Variants in ZNF444 observed in about 807,000 individuals in gnomAD.
The protein encoded by ZNF444 is endothelial zinc finger protein 2.
In ZNF444, 8 loss-of-function variants were observed where a neutral mutation model predicts 14.4. That is an observed-to-expected ratio of 0.56 (90% CI 0.33 to 1.00). The LOEUF (loss-of-function observed/expected upper bound fraction) is 1.00. Ranked by LOEUF, ZNF444 falls within the 50% of genes least tolerant of loss-of-function variation. ZNF444 has a pLI of 0.03. For synonymous variants in ZNF444, 258 were observed against 235.9 expected (o/e 1.09, Z -0.86); for missense variants, 510 against 504.8 (o/e 1.01, Z -0.10).
At chr19:56,134,915 G>T (rs1486291055) in intron 1 of ZNF444, among the ~76,000 whole-genome samples, 1 of 151,916 alleles carries the variant, frequency 6.6e-6, no homozygotes, top group South Asian at 2.1e-4. Flanking sequence ...CCAGGAGTTT[G>T]TGAGACCTTA....
intron 1 of ZNF444, chr19:56,146,019 G>A (rs274179): frequency 0.29 from 43,573 of 152,148 alleles, 7,857 homozygotes; most frequent in East Asian, 0.6. Flanking sequence ...TAAAAGCTTC[G>A]TCTCCAAATA....
At chr19:56,150,235 A>G (rs2031490626) in intron 3 of ZNF444, 1 of 215,690 alleles carries the variant, frequency 4.6e-6, no homozygotes, top group South Asian at 6.9e-5. Flanking sequence ...ATGTTCTTTT[A>G]GGAAAAGATG....
chr19:56,154,598 C>T (rs1263693082), intron 3 of ZNF444: 3 of 151,410 alleles, frequency 2.0e-5, no homozygotes, highest in Non-Finnish European at 4.4e-5. Flanking sequence ...CACCCCCACC[C>T]CCAACCACCT....
At chr19:56,158,366 C>T (rs1043155139) in intron 3 of ZNF444, 128 bp from the exon 4 acceptor site, 21 of 866,514 alleles carry the variant, frequency 2.4e-5, no homozygotes, top group African/African-American at 2.3e-4. Flanking sequence ...GCTTCAGTGT[C>T]GCCCAGCATG....
Position 56,160,420 on chromosome 19 carries a change from C to CG in ZNF444, c.*219_*220insG, listed in dbSNP as rs2032222825. On this transcript the variant is annotated 3_prime_UTR_variant, in exon 5 of 5. Transcript: ENST00000337080. ...TTCTCAGGTCTCACCTCAGCCCCCC[C>CG]CTTCTCCCTGATTTCTCGGCCTCTC... is the stretch of plus-strand genomic sequence containing the variant. 6.2e-6 allele frequency: 3 copies of CG among 482,140 alleles called. No homozygotes were observed. Among genetic ancestry groups the CG allele is most frequent in the African/African-American group, 6.2e-5 (3 of 48,560 alleles). The allele number at this position is 482,140 out of a possible 1,614,324, so 29.9% of individuals were successfully genotyped here.
At chr19:56,140,349 T>G (rs969210344), upstream of ZNF444, among the ~76,000 whole-genome samples, 3 of 152,118 alleles carry the variant, frequency 2.0e-5, no homozygotes, top group Non-Finnish European at 4.4e-5. Context: ...GCTGATCTCT[T>G]AGGATGTCTG....
In ZNF444 at chr19:56,147,101, G is replaced by C. The variant is rs2031240191; in HGVS notation, c.190G>C (p.Val64Leu). 2 of 1,587,496 alleles carry C rather than the reference G, an allele frequency of 1.3e-6. No homozygotes were observed. The highest frequency in any genetic ancestry group is 8.5e-7 in the Non-Finnish European group (1 of 1,170,270). ...CAAGGAGCAGATGTTGGAGCTGCTG[G>C]TGCTGGAACAGTTCCTGAGCGCGCT... is the stretch of plus-strand genomic sequence containing the variant. Reference protein sequence around the residue: ...HTKEQMLELLVLEQFLSALPA... With the variant: ...HTKEQMLELLLLEQFLSALPA... Residue 64 changes from valine (V) to leucine (L), a missense_variant, in exon 3 of 5, where the codon GTG (valine) becomes CTG (leucine). Transcript: ENST00000337080. This position sits in a 1 kb window ranked among gnomAD's most constrained non-coding sequence, Gnocchi z 5.9.
At chr19:56,133,298 C>CCTAGA (rs1390784829) in intron 1 of ZNF444, among the ~76,000 whole-genome samples, 1 of 151,746 alleles carries the variant, frequency 6.6e-6, no homozygotes, top group African/African-American at 2.4e-5. Context: ...GTCTCAAACT[C>CCTAGA]CTGACCTCAG....
chr19:56,134,320 C>T (rs564986995), intron 1 of ZNF444, among the ~76,000 whole-genome samples: 12 of 152,240 alleles, frequency 7.9e-5, no homozygotes, highest in Admixed American at 2.6e-4. Flanking sequence ...AAGGAATTCT[C>T]GCCCTCAGGC....
At position 56,145,012 on chromosome 19, in the gene ZNF444, C is replaced by T. The variant is rs747731216; in HGVS notation, c.-196-1235C>T. Among the ~76,000 whole-genome samples, 8 of 152,224 alleles carry T rather than the reference C, an allele frequency of 5.3e-5. No homozygotes were observed. Among genetic ancestry groups the T allele is most frequent in the Non-Finnish European group, 5.9e-5 (4 of 68,046 alleles). On this transcript the variant is annotated intron_variant, in intron 1 of 4. Transcript: ENST00000337080. This position sits in a 1 kb window ranked among gnomAD's most constrained non-coding sequence, Gnocchi z 4.3. ...GCCTTACAGGCCACCCAGGCCCTGTCACAGCCACTCGGTAGCTCCAAGGCG... is the reference window on the plus strand; with the variant it reads ...GCCTTACAGGCCACCCAGGCCCTGTTACAGCCACTCGGTAGCTCCAAGGCG...
chr19:56,159,560 A>G (rs1381674928), intron 4 of ZNF444, 64 bp from the exon 5 acceptor site: 2 of 1,362,888 alleles, frequency 1.5e-6, no homozygotes, highest in Non-Finnish European at 1.9e-6. Flanking sequence ...CCTCCACCCC[A>G]GCCTGTGCTG....
intron 2 of ZNF444, 27 bp from the exon 3 acceptor site, chr19:56,146,862 AG>A: frequency 7.5e-7 from 1 of 1,341,010 alleles, no homozygotes; most frequent in East Asian, 3.1e-5. Flanking sequence ...CTCGGCGGGC[AG>A]GGGTCTCACC....
chr19:56,146,653 G>C (rs578219126), intron 2 of ZNF444, among the ~76,000 whole-genome samples: 11 of 152,322 alleles, frequency 7.2e-5, no homozygotes, highest in African/African-American at 2.4e-4. Context: ...AGCAGGCGTG[G>C]TGGCGGATGC....
intron 1 of ZNF444, among the ~76,000 whole-genome samples, chr19:56,133,812 C>CAAA (rs67187542): frequency 0.035 from 4,566 of 129,798 alleles, 225 homozygotes; most frequent in African/African-American, 0.099. Context: ...GACTCCATCT[C>CAAA]AAAAAAAAAA....
chr19:56,138,018 G>A (rs2030650778), upstream of ZNF444, among the ~76,000 whole-genome samples: 1 of 152,114 alleles, frequency 6.6e-6, no homozygotes, highest in South Asian at 2.1e-4. Context: ...CAGCTACTTA[G>A]GAGGCTGAGG....
At position 56,145,625 on chromosome 19, in the gene ZNF444, C is replaced by T. The variant is rs983207739; in HGVS notation, c.-196-622C>T. ...AAAAAAAAATAGAGACAGGAGAGCT[C>T]GCTGCCTCTCTCTATTCTACGCCAT... is the stretch of plus-strand genomic sequence containing the variant. On this transcript the variant is annotated intron_variant, in intron 1 of 4. Coordinates refer to ENST00000337080, the MANE Select transcript of ZNF444 (RefSeq NM_018337.4). The surrounding 1 kb of genome is among the most constrained non-coding windows in gnomAD (Gnocchi z 4.3). Among the ~76,000 whole-genome samples the T allele has an allele frequency of 8.6e-5, 13 of 151,984 alleles. No homozygotes were observed. The highest frequency in any genetic ancestry group is 1.5e-4 in the Non-Finnish European group (10 of 68,014).
chr19:56,147,307 C>T lies in ZNF444; in HGVS notation c.297+99C>T. 7.6e-7 allele frequency: 1 copy of T among 1,312,470 alleles called. No individual in the cohort carries two copies. The highest frequency in any genetic ancestry group is 9.8e-7 in the Non-Finnish European group (1 of 1,015,822). The allele number at this position is 1,312,470 out of a possible 1,614,324, so 81.3% of individuals were successfully genotyped here. A position where few individuals can be genotyped will look rare whatever the true frequency, so the allele number is the denominator to read the frequency against. ...GGAGCACCACTGAACCCCTGAAAACCAGTGTGACTCGCGGTGGGGAGGCTG... is the reference window on the plus strand; with the variant it reads ...GGAGCACCACTGAACCCCTGAAAACTAGTGTGACTCGCGGTGGGGAGGCTG... On this transcript the variant is annotated intron_variant, in intron 3 of 4. Coordinates refer to ENST00000337080, the MANE Select transcript of ZNF444 (RefSeq NM_018337.4). This position sits in a 1 kb window ranked among gnomAD's most constrained non-coding sequence, Gnocchi z 5.9.
At chr19:56,157,023 C>G (rs1162623512) in intron 3 of ZNF444, 2 of 152,302 alleles carry the variant, frequency 1.3e-5, no homozygotes, top group Non-Finnish European at 2.9e-5. Flanking sequence ...GTGTGTCAAC[C>G]CCGGTGCCCT....
chr19:56,157,574 G>A (rs536123378), intron 3 of ZNF444: 1 of 151,968 alleles, frequency 6.6e-6, no homozygotes, highest in East Asian at 1.9e-4. Flanking sequence ...CAGCTAATTT[G>A]TTGTATCTTT....
Sources: gnomAD v4.1 joint callset for allele counts (sites outside exome capture counted in the v4.1 genomes callset) on GRCh38, gnomAD v4.1.1 for gene constraint, Gnocchi (gnomAD v3.1) non-coding constraint, MANE v1.5 for transcripts, NCBI Gene and HGNC (gene_info 2026-07-23, HGNC 2026-07-21) for gene names.